The following PSD4 variants were observed in gnomAD, a reference collection of about 807,000 sequenced individuals.
The protein encoded by PSD4 is pleckstrin and Sec7 domain containing 4.
Under a neutral mutation model 112.5 loss-of-function variants are expected in PSD4, and 59 were observed. The observed-to-expected ratio is 0.52, with a 90% CI of 0.43 to 0.65. The LOEUF is 0.65. Among genes scored for constraint, PSD4 ranks in the 30% least tolerant of loss-of-function variants. The pLI, the probability that PSD4 is intolerant of heterozygous loss-of-function variation, is 0.00. For synonymous variants in PSD4, 533 were observed against 540.0 expected, an observed-to-expected ratio of 0.99 and a Z score of 0.18; for missense variants, 1,267 against 1,352.6, an observed-to-expected ratio of 0.94 and a Z score of 0.99.
rs1410277830 is a variant in PSD4, at chr2:113,197,914, G to GT, written c.2624+2dup. ...GGCGCCTCTACCTCTTCCAGGCACC[G>GT]TAAGTCCCTGGGGTGGGAGACTGTG... On this transcript the variant is annotated splice_donor_variant, in intron 14 of 16. Coordinates refer to ENST00000245796, the MANE Select transcript of PSD4 (RefSeq NM_012455.3). LOFTEE classifies it high-confidence loss of function. 1.3e-6 allele frequency: 2 copies of GT among 1,570,974 alleles called. No homozygotes were observed. Among genetic ancestry groups the GT allele is most frequent in the Admixed American group, 1.7e-5 (1 of 57,654 alleles).
At chr2:113,184,402 G>A (rs11691322) in intron 2 of PSD4, among the ~76,000 whole-genome samples, 24,663 of 144,602 alleles carry the variant, frequency 0.17, 2,730 homozygotes, top group East Asian at 0.51. Flanking sequence ...TTTTTGAGAC[G>A]GAGTCTTGCT....
chr2:113,194,047 A>G, intron 10 of PSD4, 99 bp downstream of exon 10: 1 of 1,164,290 alleles, frequency 8.6e-7, no homozygotes, highest in Middle Eastern at 2.0e-4. Context: ...GCTTTGCCAA[A>G]ATATCCTTGA....
chr2:113,180,228 G>A (rs45447491), intron 1 of PSD4, among the ~76,000 whole-genome samples: 2,205 of 152,260 alleles, frequency 0.014, 58 homozygotes, highest in African/African-American at 0.05. Context: ...GCTGAAGGCC[G>A]CGCGAATCAC....
chr2:113,184,104 A>G (rs550078100), intron 2 of PSD4, among the ~76,000 whole-genome samples: 3 of 152,366 alleles, frequency 2.0e-5, no homozygotes, highest in Admixed American at 2.0e-4. Context: ...GCTCTGTGAG[A>G]CAATAGGGAG....
chr2:113,188,889 A>C (rs1036726980), intron 5 of PSD4, among the ~76,000 whole-genome samples: 3 of 151,950 alleles, frequency 2.0e-5, no homozygotes, highest in African/African-American at 7.3e-5. Context: ...TTTAACTTGA[A>C]TTTTCTTTTC....
Position 113,192,436 on chromosome 2 carries a change from A to G in PSD4, c.1685A>G (p.Gln562Arg). ...SSWLPGSPMP[Q>R]AQSPEEGQRP... is the part of the protein sequence containing the mutation. Reference sequence around the variant, plus strand: ...TGGCTTCCTGGGAGCCCTATGCCCCAAGCACAGTCCCCAGAGGAAGGCCAG... The same window carrying G: ...TGGCTTCCTGGGAGCCCTATGCCCCGAGCACAGTCCCCAGAGGAAGGCCAG... The change falls in exon 6 of 17, where the codon CAA becomes CGA. Residue 562 changes from glutamine (Q) to arginine (R), a missense_variant. Physicochemically the swap from Gln to Arg is conservative, Grantham distance 43. Around this residue, in one of 2 missense-constraint regions of PSD4, gnomAD observed 723 missense variants for 704.0 expected, o/e 1.03. Coordinates refer to ENST00000245796, the MANE Select transcript of PSD4 (RefSeq NM_012455.3). 6 of 1,614,206 alleles carry G rather than the reference A, an allele frequency of 3.7e-6. No homozygotes were observed. The highest frequency in any genetic ancestry group is 5.1e-6 in the Non-Finnish European group (6 of 1,180,032).
At position 113,193,582 on chromosome 2, in the gene PSD4, T is replaced by A. The variant is rs759326420; in HGVS notation, c.2033-10T>A. ...TGAGCTTTCTCTCCACTTACCTATC[T>A]CTGGGGTAGATTCTGTACACACCTT... On this transcript the variant is annotated splice_polypyrimidine_tract_variant and intron_variant, in intron 8 of 16. Transcript: ENST00000245796. 13 of 1,611,858 alleles carry A rather than the reference T, an allele frequency of 8.1e-6. No individual in the cohort carries two copies. The highest frequency in any genetic ancestry group is 4.2e-6 in the Non-Finnish European group (5 of 1,178,074).
intron 1 of PSD4, among the ~76,000 whole-genome samples, chr2:113,179,877 C>T (rs574728610): frequency 3.9e-5 from 6 of 152,122 alleles, no homozygotes; most frequent in South Asian, 2.1e-4. Context: ...GGGACCATTC[C>T]GGGTGGGCTG....
At chr2:113,198,635 T>G in intron 14 of PSD4, 105 bp from the exon 15 acceptor site, 1 of 1,349,194 alleles carries the variant, frequency 7.4e-7, no homozygotes, top group Non-Finnish European at 9.8e-7. Context: ...GGAGGCTGAG[T>G]TCTGAGCAGC....
At position 113,182,574 on chromosome 2, in the gene PSD4, G is replaced by A; in HGVS notation, c.118G>A (p.Glu40Lys). 6.2e-7 allele frequency: 1 copy of A among 1,614,232 alleles called. No individual in the cohort carries two copies. The highest frequency in any genetic ancestry group is 8.5e-7 in the Non-Finnish European group (1 of 1,180,038). ...GTGCCCAAGGGAAACGTGCAGCCAT[G>A]AGGATCCACCGGAGCCTTTCGAGGA... ...GECPRETCSH[E>K]DPPEPFEEQT... The change falls in exon 2 of 17, where the codon GAG (glutamate) becomes AAG (lysine). Residue 40 changes from glutamate (E) to lysine (K), a missense_variant. Coordinates refer to ENST00000245796, the MANE Select transcript of PSD4 (RefSeq NM_012455.3).
chr2:113,187,007 T>C (rs1445190692), intron 5 of PSD4, among the ~76,000 whole-genome samples: 1 of 152,216 alleles, frequency 6.6e-6, no homozygotes, highest in Non-Finnish European at 1.5e-5. Context: ...GTGCAGTCCA[T>C]GCAGGTTAGC....
At position 113,185,052 on chromosome 2, in the gene PSD4, T is replaced by G. The variant is rs757825086; in HGVS notation, c.1152T>G (p.Ala384=). Residue 384 remains alanine (A), a synonymous_variant, in exon 3 of 17, where the codon GCT becomes GCG. Transcript: ENST00000245796. ...SGCVGSDLGP[A]AHPVQPWASL... ...GTGTCGGATCTGATCTTGGCCCTGC[T>G]GCACATCCTGTGCAACCTTGGGCAA... 4 of 1,614,130 alleles carry G rather than the reference T, an allele frequency of 2.5e-6. No individual in the cohort carries two copies.
intron 16 of PSD4, 57 bp from the exon 17 acceptor site, chr2:113,201,101 C>A: frequency 6.4e-7 from 1 of 1,552,712 alleles, no homozygotes; most frequent in Non-Finnish European, 8.7e-7. Flanking sequence ...ACGATTCTAG[C>A]CTCCTCCCAA....
At chr2:113,199,982 C>T (rs1357403602) in intron 16 of PSD4, among the ~76,000 whole-genome samples, 1 of 152,154 alleles carries the variant, frequency 6.6e-6, no homozygotes, top group Non-Finnish European at 1.5e-5. Flanking sequence ...TGAGCCACCA[C>T]ACCTGGATAA....
In PSD4 at chr2:113,183,025, C is replaced by T. The variant is rs368039539; in HGVS notation, c.569C>T (p.Thr190Met). 34 of 1,613,898 alleles carry T rather than the reference C, an allele frequency of 2.1e-5. No individual in the cohort carries two copies. Among genetic ancestry groups the T allele is most frequent in the Middle Eastern group, 3.3e-4 (2 of 6,060 alleles). The part of the protein sequence containing the change: ...LKAGLKCCLP[T>M]PPVDLPGDTG... ...GCTGGGCTGAAATGCTGTCTCCCCACGCCCCCTGTGGACCTCCCCGGGGAC... is the reference window on the plus strand; with the variant it reads ...GCTGGGCTGAAATGCTGTCTCCCCATGCCCCCTGTGGACCTCCCCGGGGAC... Residue 190 changes from threonine to methionine, a missense_variant, in exon 2 of 17, where the codon ACG becomes ATG. This residue lies in a region of PSD4 where 723 missense variants were observed against 704.0 expected (regional missense o/e 1.03). Transcript: ENST00000245796.
Position 113,193,938 on chromosome 2 carries a change from A to G in PSD4, c.2171A>G (p.Glu724Gly). The G allele has an allele frequency of 6.2e-7, 1 of 1,614,120 alleles. No individual in the cohort carries two copies. Among genetic ancestry groups the G allele is most frequent in the Non-Finnish European group, 8.5e-7 (1 of 1,179,994 alleles). Residue 724 changes from glutamate (E) to glycine (G), a missense_variant, in exon 10 of 17, where the codon GAG becomes GGG. Physicochemically the swap from Glu to Gly is moderately conservative, Grantham distance 98. This residue lies in a region of PSD4 where 544 missense variants were observed against 648.6 expected (regional missense o/e 0.84). Transcript: ENST00000245796. ...AGGGATGGCGGGAACTTCCCCAAGG[A>G]GCTGCTGAAGGTATGTGCCACGGGG... ...GLRDGGNFPK[E>G]LLKALYWSIR...
At chr2:113,186,902 A>G (rs1336548070) in intron 5 of PSD4, among the ~76,000 whole-genome samples, 1 of 152,202 alleles carries the variant, frequency 6.6e-6, no homozygotes, top group Non-Finnish European at 1.5e-5. Context: ...GGATCTCCAC[A>G]CTGAAAAAGG....
chr2:113,182,801 C>G lies in PSD4; in HGVS notation c.345C>G (p.His115Gln). 1 of 1,606,030 alleles carries G rather than the reference C, an allele frequency of 6.2e-7. No individual in the cohort carries two copies. Among genetic ancestry groups the G allele is most frequent in the Non-Finnish European group, 8.5e-7 (1 of 1,174,978 alleles). ...GGGGCTCCGGTGTGGAGCTCACACACCTGGGGAGCCCCTCTGCCCAGAGGG... is the reference window on the plus strand; with the variant it reads ...GGGGCTCCGGTGTGGAGCTCACACAGCTGGGGAGCCCCTCTGCCCAGAGGG... ...PPWGSGVELT[H>Q]LGSPSAQREH... The change falls in exon 2 of 17, where the codon CAC becomes CAG. Residue 115 changes from histidine (H) to glutamine (Q), a missense_variant. Physicochemically the swap from His to Gln is conservative, Grantham distance 24. Around this residue, in one of 2 missense-constraint regions of PSD4, gnomAD observed 723 missense variants for 704.0 expected, o/e 1.03. Transcript: ENST00000245796.
Position 113,197,894 on chromosome 2 carries a change from C to T in PSD4, c.2605C>T (p.Leu869Phe). The T allele has an allele frequency of 6.3e-7, 1 of 1,591,308 alleles. No homozygotes were observed. The highest frequency in any genetic ancestry group is 8.6e-7 in the Non-Finnish European group (1 of 1,164,720). Reference protein sequence around the residue: ...VFQLRTADWRLYLFQAPTAKE... With the variant: ...VFQLRTADWRFYLFQAPTAKE... The stretch of plus-strand genomic sequence containing the variant: ...CCAGCTGCGCACGGCTGACTGGCGC[C>T]TCTACCTCTTCCAGGCACCGTAAGT... Residue 869 changes from leucine to phenylalanine, a missense_variant, in exon 14 of 17, where the codon CTC becomes TTC. Transcript: ENST00000245796.
Sources: allele counts gnomAD v4.1 joint callset (sites outside exome capture counted in the v4.1 genomes callset), GRCh38; gene constraint gnomAD v4.1.1; regional missense constraint gnomAD v4.1.1; transcripts MANE v1.5; gene names NCBI Gene and HGNC (gene_info 2026-07-23, HGNC 2026-07-21).